The following LUZP2 variants were observed in gnomAD, a reference collection of about 807,000 sequenced individuals.
LUZP2 encodes the protein leucine zipper protein 2.
A neutral mutation model predicts 51.6 loss-of-function variants in LUZP2; 52 were observed. That is an observed-to-expected ratio of 1.01 (90% CI 0.81 to 1.27). The LOEUF (loss-of-function observed/expected upper bound fraction) is 1.27. Ranked by LOEUF, LUZP2 falls within the 50% of genes most tolerant of loss-of-function variation. LUZP2 has a pLI of 0.00. For synonymous variants in LUZP2, 154 were observed against 137.3 expected (o/e 1.12, Z -0.85); for missense variants, 436 against 395.4 (o/e 1.10, Z -0.87).
At chr11:24,773,125 G>A (rs1409094829) in intron 5 of LUZP2, among the ~76,000 whole-genome samples, 2 of 150,428 alleles carry the variant, frequency 1.3e-5, no homozygotes, top group African/African-American at 2.4e-5. Flanking sequence ...ATTTTATTAG[G>A]TATAAATCTA....
chr11:24,702,949 C>G (rs1857460615), intron 1 of LUZP2, among the ~76,000 whole-genome samples: 1 of 152,116 alleles, frequency 6.6e-6, no homozygotes, highest in African/African-American at 2.4e-5. Flanking sequence ...AAAGCATGCA[C>G]ATATATATCC....
intron 4 of LUZP2, among the ~76,000 whole-genome samples, chr11:24,754,761 C>T (rs1859710351): frequency 6.6e-6 from 1 of 152,148 alleles, no homozygotes; most frequent in Non-Finnish European, 1.5e-5. Context: ...GGAATAAATT[C>T]CTATGATATA....
rs35513610 is a variant in LUZP2 at position 25,053,542 on chromosome 11, CTTTTT to C, written c.858+3425_858+3429del. On this transcript the variant is annotated intron_variant, in intron 10 of 11. Coordinates refer to ENST00000336930, the MANE Select transcript of LUZP2 (RefSeq NM_001009909.4). ...ATCTCCCTAATATGATCCCACATGC[CTTTTT>C]TTTTTTTTTTTTAATACAATGAGTC... Among the ~76,000 whole-genome samples, 304 of 145,054 alleles carry C rather than the reference CTTTTT, an allele frequency of 2.1e-3. 3 individuals carry two copies. The highest frequency in any genetic ancestry group is 7.1e-3 in the Middle Eastern group (2 of 280).
At chr11:24,998,212 G>C (rs564936287) in intron 9 of LUZP2, among the ~76,000 whole-genome samples, 1 of 151,628 alleles carries the variant, frequency 6.6e-6, no homozygotes, top group African/African-American at 2.4e-5. Context: ...ACCTTGGGCA[G>C]TATGGCCATT....
chr11:24,799,267 C>T (rs1053443399), intron 5 of LUZP2, among the ~76,000 whole-genome samples: 6 of 152,118 alleles, frequency 3.9e-5, no homozygotes, highest in Non-Finnish European at 7.4e-5. Flanking sequence ...CTGAGTAACA[C>T]ATAGGAGGAA....
At chr11:24,774,332 TTCTCTCTCTCTC>T (rs374302170) in intron 5 of LUZP2, among the ~76,000 whole-genome samples, 1 of 41,926 alleles carries the variant, frequency 2.4e-5, no homozygotes. Context: ...CTTAGTAAAC[TTCTCTCTCTCTC>T]TCTCTCTCTC....
At chr11:24,993,488 T>C (rs953292419) in intron 9 of LUZP2, among the ~76,000 whole-genome samples, 1 of 152,184 alleles carries the variant, frequency 6.6e-6, no homozygotes, top group African/African-American at 2.4e-5. Context: ...AAACATGCTC[T>C]CATTTGCTTC....
intron 7 of LUZP2, among the ~76,000 whole-genome samples, chr11:24,963,487 G>A (rs1855483677): frequency 6.6e-6 from 1 of 152,166 alleles, no homozygotes; most frequent in African/African-American, 2.4e-5. Flanking sequence ...CCCTCCCCCA[G>A]CCCCGCTGCT....
intron 5 of LUZP2, among the ~76,000 whole-genome samples, chr11:24,890,705 T>C (rs1241999765): frequency 6.6e-6 from 1 of 152,154 alleles, no homozygotes; most frequent in Non-Finnish European, 1.5e-5. Flanking sequence ...CTGGATTTAT[T>C]CATCTTTATC....
At chr11:24,590,775 T>G (rs896376424) in intron 1 of LUZP2, among the ~76,000 whole-genome samples, 2 of 152,190 alleles carry the variant, frequency 1.3e-5, no homozygotes, top group African/African-American at 4.8e-5. Context: ...AGGATATATG[T>G]GTTTTTTTTC....
At chr11:24,701,417 C>A (rs891971915) in intron 1 of LUZP2, 17 of 167,078 alleles carry the variant, frequency 1.0e-4, no homozygotes, top group African/African-American at 4.1e-4. Context: ...AATCTTCAGA[C>A]AAACGAATGT....
At chr11:24,999,818 A>G (rs1224921186) in intron 9 of LUZP2, among the ~76,000 whole-genome samples, 5 of 152,172 alleles carry the variant, frequency 3.3e-5, no homozygotes, top group Non-Finnish European at 7.3e-5. Flanking sequence ...ACTGACTTCA[A>G]GAATGAAGCT....
intron 1 of LUZP2, among the ~76,000 whole-genome samples, chr11:24,535,703 C>T (rs1420564910): frequency 1.2e-5 from 1 of 86,654 alleles, no homozygotes. Context: ...TCCCCAAAGA[C>T]ATCCATGAGG....
chr11:24,892,062 T>C, intron 5 of LUZP2: 1 of 985,576 alleles, frequency 1.0e-6, no homozygotes, highest in Non-Finnish European at 1.2e-6. Context: ...GCTGTTCCAC[T>C]GGGAGCTGAA....
At chr11:24,891,593 A>T in intron 5 of LUZP2, 13 of 814,624 alleles carry the variant, frequency 1.6e-5, no homozygotes, top group Non-Finnish European at 1.8e-5. Context: ...GAAGTTCCAG[A>T]CTAATAAAGG....
chr11:25,074,010 G>C (rs1478689453), intron 10 of LUZP2, among the ~76,000 whole-genome samples: 1 of 152,160 alleles, frequency 6.6e-6, no homozygotes, highest in African/African-American at 2.4e-5. Context: ...ATAAGTATCA[G>C]AGCTAAAACA....
intron 5 of LUZP2, among the ~76,000 whole-genome samples, chr11:24,781,602 T>G (rs2134074941): frequency 6.6e-6 from 1 of 151,998 alleles, no homozygotes; most frequent in East Asian, 1.9e-4. Flanking sequence ...TCATTTCCAT[T>G]ACCATTTTCC....
chr11:25,001,012 G>A (rs1331516154), intron 9 of LUZP2, among the ~76,000 whole-genome samples: 2 of 152,178 alleles, frequency 1.3e-5, no homozygotes, highest in African/African-American at 2.4e-5. Flanking sequence ...GGTATTAGTT[G>A]TATGGCCCTG....
At chr11:24,758,280 C>T (rs1429739404) in intron 4 of LUZP2, among the ~76,000 whole-genome samples, 1 of 151,720 alleles carries the variant, frequency 6.6e-6, no homozygotes, top group Non-Finnish European at 1.5e-5. Flanking sequence ...ACTCAGAAAC[C>T]ATAAAGAGAT....
Sources: allele counts gnomAD v4.1 joint callset (sites outside exome capture counted in the v4.1 genomes callset), GRCh38; gene constraint gnomAD v4.1.1; transcripts MANE v1.5; gene names NCBI Gene and HGNC (gene_info 2026-07-23, HGNC 2026-07-21).